DNM3: variants seen among roughly 807,000 people sequenced by gnomAD.
The protein encoded by DNM3 is dynamin-3.
DNM3 carries 47 observed loss-of-function variants against 101.6 expected under a neutral mutation model. The observed-to-expected ratio is 0.46, with a 90% CI of 0.37 to 0.59. The LOEUF is 0.59. Among genes scored for constraint, DNM3 ranks in the 20% least tolerant of loss-of-function variants. The probability of loss-of-function intolerance (pLI) is 0.00; values close to 1 mark genes in which losing one functional copy is unlikely to be tolerated. For missense variants in DNM3, 849 were observed against 1,085.7 expected (o/e 0.78, Z 3.06); for synonymous variants, 385 against 387.9 (o/e 0.99, Z 0.09).
intron 13 of DNM3, among the ~76,000 whole-genome samples, chr1:172,121,428 C>A (rs1163841918): frequency 6.6e-6 from 1 of 152,208 alleles, no homozygotes; most frequent in Non-Finnish European, 1.5e-5. Flanking sequence ...TTTTAAGAAT[C>A]AAGATAGTGC....
chr1:172,390,311 T>A (rs1255954926), intron 20 of DNM3, among the ~76,000 whole-genome samples: 1 of 152,208 alleles, frequency 6.6e-6, no homozygotes, highest in Non-Finnish European at 1.5e-5. Flanking sequence ...TTATCCACAT[T>A]TTACAGATGA....
intron 1 of DNM3, among the ~76,000 whole-genome samples, chr1:171,906,126 C>CTT (rs2038808000): frequency 2.1e-5 from 3 of 144,360 alleles, no homozygotes; most frequent in African/African-American, 7.8e-5. Flanking sequence ...AGTTCAATTG[C>CTT]ATTTTTTTTT....
At chr1:172,315,104 C>T (rs2148890198) in intron 16 of DNM3, among the ~76,000 whole-genome samples, 1 of 152,312 alleles carries the variant, frequency 6.6e-6, no homozygotes, top group African/African-American at 2.4e-5. Flanking sequence ...GTTCTGCAGA[C>T]ACCGCTGCTG....
At chr1:172,338,606 C>A (rs1057307303) in intron 17 of DNM3, among the ~76,000 whole-genome samples, 1 of 152,142 alleles carries the variant, frequency 6.6e-6, no homozygotes, top group African/African-American at 2.4e-5. Flanking sequence ...TGTTGGCAAT[C>A]CCCAGGCTGG....
intron 2 of DNM3, among the ~76,000 whole-genome samples, chr1:171,956,218 C>G (rs2042846926): frequency 6.6e-6 from 1 of 152,172 alleles, no homozygotes; most frequent in Non-Finnish European, 1.5e-5. Flanking sequence ...AGTCGAAAGT[C>G]TCATCTGAGA....
chr1:172,277,755 A>G (rs751443867), intron 15 of DNM3, among the ~76,000 whole-genome samples: 1 of 152,082 alleles, frequency 6.6e-6, no homozygotes, highest in Non-Finnish European at 1.5e-5. Flanking sequence ...TTATGAAAAG[A>G]TGAGATGTGT....
chr1:171,984,402 T>C (rs1000039895), intron 2 of DNM3, among the ~76,000 whole-genome samples: 1 of 151,866 alleles, frequency 6.6e-6, no homozygotes, highest in Non-Finnish European at 1.5e-5. Flanking sequence ...CTCCCTCCCC[T>C]CCACACCGCC....
Position 172,146,489 on chromosome 1 carries a change from G to A in DNM3, c.1659+15201G>A, listed in dbSNP as rs150574959. Among the ~76,000 whole-genome samples, 481 of 152,142 alleles carry A rather than the reference G, an allele frequency of 3.2e-3. 3 individuals carry two copies. The highest frequency in any genetic ancestry group is 0.011 in the African/African-American group (464 of 41,526). ...AATGACTTTATATCTCTGTACTTTT[G>A]CTTCCATATTTGTGTCTTTAGGACC... is the stretch of plus-strand genomic sequence containing the variant. On this transcript the variant is annotated intron_variant, in intron 14 of 20. Transcript: ENST00000627582.
chr1:172,365,110 T>G (rs1304612564), intron 17 of DNM3, among the ~76,000 whole-genome samples: 1 of 151,912 alleles, frequency 6.6e-6, no homozygotes, highest in Non-Finnish European at 1.5e-5. Flanking sequence ...AAAACATTCT[T>G]TAAAGACAAC....
At chr1:172,057,907 A>T (rs1227555131) in intron 10 of DNM3, among the ~76,000 whole-genome samples, 2 of 135,226 alleles carry the variant, frequency 1.5e-5, no homozygotes, top group Non-Finnish European at 3.1e-5. Flanking sequence ...GGCAAGTTGG[A>T]TAAAGAGTCA....
At chr1:172,228,142 C>A (rs1034986748) in intron 14 of DNM3, among the ~76,000 whole-genome samples, 3 of 151,682 alleles carry the variant, frequency 2.0e-5, no homozygotes, top group African/African-American at 7.3e-5. Context: ...CATTATTTTG[C>A]CATGAAGAAG....
intron 2 of DNM3, among the ~76,000 whole-genome samples, chr1:171,961,455 G>A (rs1049446278): frequency 8.5e-5 from 13 of 152,176 alleles, no homozygotes; most frequent in African/African-American, 2.4e-4. Context: ...AATAAGTGCT[G>A]ATGAGGATGT....
At chr1:172,125,372 C>T (rs1032545135) in intron 13 of DNM3, among the ~76,000 whole-genome samples, 1 of 152,162 alleles carries the variant, frequency 6.6e-6, no homozygotes, top group African/African-American at 2.4e-5. Context: ...TATTCCTTGT[C>T]TCTGTATTGA....
intron 1 of DNM3, among the ~76,000 whole-genome samples, chr1:171,861,848 G>A (rs1007188816): frequency 6.6e-6 from 1 of 151,990 alleles, no homozygotes; most frequent in Admixed American, 6.6e-5. Flanking sequence ...TATGTGATAG[G>A]GAACTAGCAT....
At position 171,870,612 on chromosome 1, in the gene DNM3, T is replaced by C. The variant is rs1186483266; in HGVS notation, c.161+28795T>C. ...TCAGTAAGAGTCTTTTGAATGCTTA[T>C]TATGTGCCTATCACTTTGCAAATTA... On this transcript the variant is annotated intron_variant, in intron 1 of 20. Coordinates refer to ENST00000627582, the MANE Select transcript of DNM3 (RefSeq NM_015569.5). Among the ~76,000 whole-genome samples the C allele has an allele frequency of 2.6e-5, 4 of 152,224 alleles. No homozygotes were observed. In the South Asian group the frequency reaches 8.3e-4, roughly 31 times the overall value.
chr1:172,182,181 A>G (rs1172737513), intron 14 of DNM3, among the ~76,000 whole-genome samples: 1 of 150,664 alleles, frequency 6.6e-6, no homozygotes, highest in African/African-American at 2.5e-5. Flanking sequence ...AACATTTTAT[A>G]GTTTTTTTTT....
chr1:172,107,644 G>A (rs575931873), intron 13 of DNM3, among the ~76,000 whole-genome samples: 5 of 152,182 alleles, frequency 3.3e-5, no homozygotes, highest in Non-Finnish European at 7.4e-5. Flanking sequence ...ATGTTCTTTT[G>A]GAAGGATGCC....
intron 1 of DNM3, among the ~76,000 whole-genome samples, chr1:171,851,707 C>A (rs2032993999): frequency 6.6e-6 from 1 of 152,236 alleles, no homozygotes; most frequent in Non-Finnish European, 1.5e-5. Flanking sequence ...AGCCACTGCA[C>A]CCGACCTGAA....
At chr1:172,062,140 C>G (rs1411990869) in intron 10 of DNM3, among the ~76,000 whole-genome samples, 2 of 152,102 alleles carry the variant, frequency 1.3e-5, no homozygotes, top group African/African-American at 4.8e-5. Context: ...TTATAATTTA[C>G]CATGGTCCCT....
Sources: allele counts gnomAD v4.1 joint callset (sites outside exome capture counted in the v4.1 genomes callset), GRCh38; gene constraint gnomAD v4.1.1; transcripts MANE v1.5; gene names NCBI Gene and HGNC (gene_info 2026-07-23, HGNC 2026-07-21).